Variants in ADAM11 observed in about 807,000 individuals in gnomAD.
ADAM11 encodes ADAM metallopeptidase domain 11, also known as disintegrin and metalloproteinase domain-containing protein 11.
In ADAM11, 49 loss-of-function variants were observed where a neutral mutation model predicts 119.1. The observed-to-expected ratio is 0.41, with a 90% confidence interval of 0.33 to 0.52. The LOEUF (loss-of-function observed/expected upper bound fraction) is 0.52, where lower values mean the gene tolerates loss of function less well. Ranked by LOEUF, ADAM11 falls within the 20% of genes least tolerant of loss-of-function variation. The pLI is 0.20. For missense variants in ADAM11, 777 were observed against 1,047.5 expected, an observed-to-expected ratio of 0.74 and a Z score of 3.56; for synonymous variants, 364 against 408.0, an observed-to-expected ratio of 0.89 and a Z score of 1.30.
chr17:44,775,254 G>A lies in ADAM11; in HGVS notation c.1263G>A (p.Glu421=), dbSNP rs1167450843. Residue 421 remains glutamate, a synonymous_variant, in exon 15 of 27, where the codon GAG becomes GAA. Transcript: ENST00000200557. The surrounding 1 kb of genome is among the most constrained non-coding windows in gnomAD (Gnocchi z 7.5). ...PRKFSRCSID[E]YNQFLQEGGG... ...AGTTCTCGCGCTGTAGCATCGACGA[G>A]TACAACCAGTTTCTGCAGGAGGGTG... 1 of 1,613,770 alleles carries A rather than the reference G, an allele frequency of 6.2e-7. No homozygotes were observed. The highest frequency in any genetic ancestry group is 8.5e-7 in the Non-Finnish European group (1 of 1,179,994).
chr17:44,767,644 C>T (rs919616581), intron 2 of ADAM11, among the ~76,000 whole-genome samples: 1 of 152,232 alleles, frequency 6.6e-6, no homozygotes, highest in African/African-American at 2.4e-5. Flanking sequence ...CACCTCCAGC[C>T]AGGCCCAGCC....
At chr17:44,770,502 CCCCA>C (rs1567690735) in intron 4 of ADAM11, among the ~76,000 whole-genome samples, 6 of 146,576 alleles carry the variant, frequency 4.1e-5, no homozygotes, top group Admixed American at 6.6e-5. Flanking sequence ...CCCCCCCCGC[CCCCA>C]CTGCCTGTTC....
intron 2 of ADAM11, among the ~76,000 whole-genome samples, chr17:44,761,551 T>C (rs765888976): frequency 2.6e-5 from 4 of 152,106 alleles, no homozygotes; most frequent in African/African-American, 9.7e-5. Context: ...CAGATACTTC[T>C]GAGGGGTGTC....
At position 44,771,527 on chromosome 17, in the gene ADAM11, C is replaced by G. The variant is rs898083734; in HGVS notation, c.382-57C>G. 1.9e-6 allele frequency: 3 copies of G among 1,558,916 alleles called. No homozygotes were observed. The African/African-American group carries it at 4.1e-5, about 21-fold the overall frequency. On this transcript the variant is annotated intron_variant, in intron 4 of 26. Coordinates refer to ENST00000200557, the MANE Select transcript of ADAM11 (RefSeq NM_002390.6). ...CAGTGTCCCCCAAAAAGCCTTGAGG[C>G]CCATTGGCTGCCCCCGGCCTCATGC... is the stretch of plus-strand genomic sequence containing the variant.
chr17:44,762,533 C>T (rs1351440559), intron 2 of ADAM11, among the ~76,000 whole-genome samples: 2 of 152,138 alleles, frequency 1.3e-5, no homozygotes, highest in Admixed American at 1.3e-4. Context: ...CCTTAACTTA[C>T]TGCCCTGGTT....
intron 25 of ADAM11, among the ~76,000 whole-genome samples, chr17:44,778,479 G>A (rs910813709): frequency 2.0e-5 from 3 of 152,038 alleles, no homozygotes; most frequent in Non-Finnish European, 4.4e-5. Context: ...ATCACCTGAG[G>A]TCAGGAATTC....
Position 44,772,835 on chromosome 17 carries a change from C to A in ADAM11, c.679-22C>A, listed in dbSNP as rs551518918. The A allele has an allele frequency of 6.2e-7, 1 of 1,611,452 alleles. No individual in the cohort carries two copies. Among genetic ancestry groups the A allele is most frequent in the African/African-American group, 1.3e-5 (1 of 74,968 alleles). Reference sequence around the variant, plus strand: ...AGTCAGACATGGAAGGGACTGATTCCAAGTGCCCACCCACCCCCCAGGTCC... The same window carrying A: ...AGTCAGACATGGAAGGGACTGATTCAAAGTGCCCACCCACCCCCCAGGTCC... On this transcript the variant is annotated intron_variant, in intron 8 of 26. Coordinates refer to ENST00000200557, the MANE Select transcript of ADAM11 (RefSeq NM_002390.6). This position sits in a 1 kb window ranked among gnomAD's most constrained non-coding sequence, Gnocchi z 4.5.
At chr17:44,770,500 G>T (rs74408099) in intron 4 of ADAM11, among the ~76,000 whole-genome samples, 1 of 20,898 alleles carries the variant, frequency 4.8e-5, no homozygotes, top group African/African-American at 7.3e-5. Flanking sequence ...CCCCCCCCCC[G>T]CCCCCACTGC....
At position 44,772,482 on chromosome 17, in the gene ADAM11, C is replaced by T; in HGVS notation, c.678+16C>T. The T allele has an allele frequency of 1.3e-6, 2 of 1,559,510 alleles. No individual in the cohort carries two copies. Among genetic ancestry groups the T allele is most frequent in the African/African-American group, 1.4e-5 (1 of 73,678 alleles). On this transcript the variant is annotated intron_variant, in intron 8 of 26. Coordinates refer to ENST00000200557, the MANE Select transcript of ADAM11 (RefSeq NM_002390.6). The surrounding 1 kb of genome is among the most constrained non-coding windows in gnomAD (Gnocchi z 4.5). The stretch of plus-strand genomic sequence containing the variant: ...GAAAAGGCAGGTACGGGGGCCCGCA[C>T]AGACCTCGGGCTGCAGAGACCTCGG...
chr17:44,763,195 C>A (rs1438769693), intron 2 of ADAM11, among the ~76,000 whole-genome samples: 2 of 152,138 alleles, frequency 1.3e-5, no homozygotes, highest in East Asian at 3.9e-4. Context: ...ATTTACTAGG[C>A]CTTTTTGGGG....
intron 2 of ADAM11, among the ~76,000 whole-genome samples, chr17:44,765,384 T>A (rs915041209): frequency 1.3e-5 from 2 of 152,086 alleles, no homozygotes; most frequent in Non-Finnish European, 2.9e-5. Flanking sequence ...ACCTGACAGG[T>A]AAATCACACC....
chr17:44,762,162 A>G (rs1378570123), intron 2 of ADAM11, among the ~76,000 whole-genome samples: 3 of 152,144 alleles, frequency 2.0e-5, no homozygotes, highest in Non-Finnish European at 4.4e-5. Context: ...CAGATGAGCA[A>G]ACTGAGGCTC....
rs945162707 is a variant in ADAM11 at position 44,772,737 on chromosome 17, C to A, written c.679-120C>A. 11 of 974,768 alleles carry A rather than the reference C, an allele frequency of 1.1e-5. No individual in the cohort carries two copies. Among genetic ancestry groups the A allele is most frequent in the African/African-American group, 1.1e-4 (7 of 62,370 alleles). 60.4% of individuals were successfully genotyped at this position (974,768 alleles called of 1,614,324 possible). A position where few individuals can be genotyped will look rare whatever the true frequency, so the allele number is the denominator to read the frequency against. On this transcript the variant is annotated intron_variant, in intron 8 of 26. Transcript: ENST00000200557. This position sits in a 1 kb window ranked among gnomAD's most constrained non-coding sequence, Gnocchi z 4.5. ...GACAGGACCCTCTGCCAGTGGGGAG[C>A]TGGCACTGTCCCTGGCTGGAGTCCA...
Position 44,776,758 on chromosome 17 carries a change from T to G in ADAM11, c.1580T>G (p.Leu527Arg). 1 of 1,614,066 alleles carries G rather than the reference T, an allele frequency of 6.2e-7. No individual in the cohort carries two copies. Among genetic ancestry groups the G allele is most frequent in the Non-Finnish European group, 8.5e-7 (1 of 1,180,006 alleles). The change falls in exon 19 of 27, where the codon CTG (leucine) becomes CGG (arginine). Residue 527 changes from leucine (L) to arginine (R), a missense_variant. Transcript: ENST00000200557. This position sits in a 1 kb window ranked among gnomAD's most constrained non-coding sequence, Gnocchi z 5.2. ...TGDSSQCPPN[L>R]HKLDGYYCDH... ...CTCTCTCCACAGTGCCCGCCTAACC[T>G]GCACAAGCTGGACGGTTACTACTGT...
At chr17:44,771,377 A>C (rs1488155580) in intron 4 of ADAM11, among the ~76,000 whole-genome samples, 1 of 151,920 alleles carries the variant, frequency 6.6e-6, no homozygotes, top group Non-Finnish European at 1.5e-5. Flanking sequence ...AGAGGTTCCT[A>C]ACCCCAGAGG....
At chr17:44,774,179 C>A in intron 11 of ADAM11, 116 bp from the exon 12 acceptor site, 1 of 600,854 alleles carries the variant, frequency 1.7e-6, no homozygotes, top group Non-Finnish European at 2.8e-6. Context: ...ATGTAAAGGG[C>A]CAGGCTCACC....
chr17:44,763,181 A>G (rs1567687337), intron 2 of ADAM11, among the ~76,000 whole-genome samples: 1 of 152,140 alleles, frequency 6.6e-6, no homozygotes, highest in Non-Finnish European at 1.5e-5. Flanking sequence ...GAGAAATTAC[A>G]ATTATTTACT....
Position 44,770,048 on chromosome 17 carries a change from CG to C in ADAM11, c.381+1del. ...GGGAGGGGACAACCCAGCACAGCAC[CG>C]TGAGTGCCACTGCAGGGGACCGGGG... On this transcript the variant is annotated splice_donor_variant, in intron 4 of 26. Coordinates refer to ENST00000200557, the MANE Select transcript of ADAM11 (RefSeq NM_002390.6). LOFTEE classifies it high-confidence loss of function. The C allele has an allele frequency of 6.2e-7, 1 of 1,613,972 alleles. No individual in the cohort carries two copies. Among genetic ancestry groups the C allele is most frequent in the Non-Finnish European group, 8.5e-7 (1 of 1,179,992 alleles).
Position 44,776,267 on chromosome 17 carries a change from T to A in ADAM11, c.1566+60T>A. The A allele has an allele frequency of 6.3e-7, 1 of 1,593,008 alleles. No individual in the cohort carries two copies. Among genetic ancestry groups the A allele is most frequent in the Non-Finnish European group, 8.6e-7 (1 of 1,163,992 alleles). On this transcript the variant is annotated intron_variant, in intron 18 of 26. Coordinates refer to ENST00000200557, the MANE Select transcript of ADAM11 (RefSeq NM_002390.6). This position sits in a 1 kb window ranked among gnomAD's most constrained non-coding sequence, Gnocchi z 5.2. ...GCGAGGCAACCCCTACCCTTGTCGA[T>A]TTGGTTTTCCCGGACGAGTGCTCAG...
Sources: gnomAD v4.1 joint callset for allele counts (sites outside exome capture counted in the v4.1 genomes callset) on GRCh38, gnomAD v4.1.1 for gene constraint, Gnocchi (gnomAD v3.1) non-coding constraint, MANE v1.5 for transcripts, NCBI Gene and HGNC (gene_info 2026-07-23, HGNC 2026-07-21) for gene names.